The following ANTXRL variants were observed in gnomAD, a reference collection of about 807,000 sequenced individuals.
ANTXRL encodes the protein ANTXR like, also known as anthrax toxin receptor-like.
A neutral mutation model predicts 75.4 loss-of-function variants in ANTXRL; 63 were observed. That is an observed-to-expected ratio of 0.84 (90% CI 0.68 to 1.03). The LOEUF (loss-of-function observed/expected upper bound fraction) is 1.03. ANTXRL is among the 50% of genes least tolerant of loss of function. The pLI is 0.00. For missense variants in ANTXRL, 797 were observed against 789.4 expected (o/e 1.01, Z -0.12); for synonymous variants, 335 against 291.3 (o/e 1.15, Z -1.53).
At chr10:46,326,429 C>A (rs1370122349) in intron 16 of ANTXRL, among the ~76,000 whole-genome samples, 3 of 152,080 alleles carry the variant, frequency 2.0e-5, no homozygotes, top group Non-Finnish European at 4.4e-5. Context: ...GAGGAGGGGC[C>A]AACTCCTTCT....
At chr10:46,317,459 G>A (rs1370465478) in intron 16 of ANTXRL, among the ~76,000 whole-genome samples, 8 of 152,130 alleles carry the variant, frequency 5.3e-5, no homozygotes, top group East Asian at 3.9e-4. Context: ...TAATGCAGAC[G>A]GGCCTTAGGA....
intron 16 of ANTXRL, among the ~76,000 whole-genome samples, chr10:46,316,241 A>G (rs1838718159): frequency 6.6e-6 from 1 of 152,092 alleles, no homozygotes; most frequent in African/African-American, 2.4e-5. Context: ...GGCCCTTTAG[A>G]AACTGGATCT....
Position 46,287,491 on chromosome 10 carries a change from C to T in ANTXRL, c.229C>T (p.Leu77Phe), listed in dbSNP as rs1554955560. ...AGHRCQGSFD[L>F]YFILDKSGSV... ...TCACAGATGCCAGGGCTCATTTGACCTCTACTTCATCTTGGACAAGTGAGT... is the reference window on the plus strand; with the variant it reads ...TCACAGATGCCAGGGCTCATTTGACTTCTACTTCATCTTGGACAAGTGAGT... The change falls in exon 1 of 17, where the codon CTC becomes TTC. Residue 77 changes from leucine to phenylalanine, a missense_variant. Transcript: ENST00000620264. 3 of 1,535,640 alleles carry T rather than the reference C, an allele frequency of 2.0e-6. 1 individual carries two copies. The highest frequency in any genetic ancestry group is 2.4e-5 in the South Asian group (2 of 84,026).
chr10:46,309,594 C>A lies in ANTXRL; in HGVS notation c.1134+392C>A, dbSNP rs191383431. Among the ~76,000 whole-genome samples, 599 of 152,316 alleles carry A rather than the reference C, an allele frequency of 3.9e-3. 6 individuals carry two copies. The highest frequency in any genetic ancestry group is 0.013 in the African/African-American group (523 of 41,536). On this transcript the variant is annotated intron_variant, in intron 13 of 16. Coordinates refer to ENST00000620264, the MANE Select transcript of ANTXRL (RefSeq NM_001278688.3). ...GTGTGGAGGGAGGAAGAGAGGGGCC[C>A]CCATGAGGCCCTGCTGGCCCAAATG...
At chr10:46,296,891 T>G (rs1837412106) in intron 5 of ANTXRL, among the ~76,000 whole-genome samples, 1 of 152,154 alleles carries the variant, frequency 6.6e-6, no homozygotes, top group African/African-American at 2.4e-5. Context: ...CAGCAGCTCC[T>G]CCCTCTGCCC....
intron 16 of ANTXRL, among the ~76,000 whole-genome samples, chr10:46,319,993 G>A (rs1188954546): frequency 6.6e-6 from 1 of 152,152 alleles, no homozygotes; most frequent in African/African-American, 2.4e-5. Flanking sequence ...GCTGCATGAT[G>A]TTCCATGTGA....
upstream of ANTXRL, among the ~76,000 whole-genome samples, chr10:46,286,711 A>G (rs1836780393): frequency 6.6e-6 from 1 of 152,120 alleles, no homozygotes; most frequent in Admixed American, 6.5e-5. Flanking sequence ...GGGGGACTTC[A>G]GTGTCACACA....
chr10:46,298,475 A>G (rs1314163606), intron 9 of ANTXRL, among the ~76,000 whole-genome samples: 1 of 150,546 alleles, frequency 6.6e-6, no homozygotes, highest in Admixed American at 6.6e-5. Flanking sequence ...GGTGCTGTGT[A>G]ATATGCATGT....
chr10:46,329,915 G>C lies in ANTXRL; in HGVS notation c.1727G>C (p.Cys576Ser), dbSNP rs115904371. ...CAGACTCTGTGCAACCCAAAGAGCT[G>C]CCTTCAACCCAGCCGGGAGTGCCTC... ...QAQTLCNPKS[C>S]LQPSRECLPL... Residue 576 changes from cysteine (C) to serine (S), a missense_variant, in exon 17 of 17, where the codon TGC becomes TCC. By Grantham distance (112) the Cys-to-Ser change is moderately radical. Transcript: ENST00000620264. 3,295 of 1,535,874 alleles carry C rather than the reference G, an allele frequency of 2.1e-3. 60 individuals carry two copies. The African/African-American group carries it at 0.033, about 15-fold the overall frequency.
In ANTXRL at chr10:46,287,008, A is replaced by G; in HGVS notation, c.-255A>G. 1.8e-6 allele frequency: 1 copy of G among 551,536 alleles called. No homozygotes were observed. The highest frequency in any genetic ancestry group is 2.3e-5 in the South Asian group (1 of 43,752). The allele number at this position is 551,536 out of a possible 1,614,324, so 34.2% of individuals were successfully genotyped here. On this transcript the variant is annotated 5_prime_UTR_variant, in exon 1 of 17. Transcript: ENST00000620264. The stretch of plus-strand genomic sequence containing the variant: ...ACCTTCCTGTCAACCATAACAGAGA[A>G]TTCTGTCCCCAGGGTGGGGGAAGGG...
chr10:46,326,431 A>T (rs4075797), intron 16 of ANTXRL, among the ~76,000 whole-genome samples: 4 of 151,792 alleles, frequency 2.6e-5, no homozygotes, highest in Non-Finnish European at 5.9e-5. Context: ...GGAGGGGCCA[A>T]CTCCTTCTGG....
At chr10:46,317,951 C>T (rs868939932) in intron 16 of ANTXRL, among the ~76,000 whole-genome samples, 1 of 152,134 alleles carries the variant, frequency 6.6e-6, no homozygotes, top group African/African-American at 2.4e-5. Flanking sequence ...GGAACCTCCT[C>T]ACCACCTTAC....
chr10:46,325,264 T>C (rs1324981477), intron 16 of ANTXRL, among the ~76,000 whole-genome samples: 1 of 152,134 alleles, frequency 6.6e-6, no homozygotes, highest in Non-Finnish European at 1.5e-5. Flanking sequence ...GGTGGTAGAC[T>C]GAGACAAAAG....
chr10:46,287,120 T>G lies in ANTXRL; in HGVS notation c.-143T>G. 4.7e-6 allele frequency: 5 copies of G among 1,072,262 alleles called. No individual in the cohort carries two copies. Among genetic ancestry groups the G allele is most frequent in the Non-Finnish European group, 5.2e-6 (4 of 767,514 alleles). The allele number at this position is 1,072,262 out of a possible 1,614,324, so 66.4% of individuals were successfully genotyped here. On this transcript the variant is annotated 5_prime_UTR_variant, in exon 1 of 17. Coordinates refer to ENST00000620264, the MANE Select transcript of ANTXRL (RefSeq NM_001278688.3). Reference sequence around the variant, plus strand: ...TGGGGAGGTACCTGGTGGAGGGCCATAGTGTGCACTGGTGAAAGGGCAGGA... The same window carrying G: ...TGGGGAGGTACCTGGTGGAGGGCCAGAGTGTGCACTGGTGAAAGGGCAGGA...
chr10:46,317,519 G>A (rs539220731), intron 16 of ANTXRL, among the ~76,000 whole-genome samples: 150 of 152,304 alleles, frequency 9.8e-4, no homozygotes, highest in African/African-American at 3.5e-3. Flanking sequence ...CCATATGCCC[G>A]TGGAGGGCAC....
At chr10:46,309,009 G>A (rs567097016) in intron 12 of ANTXRL, 104 bp from the exon 13 acceptor site, 14 of 1,484,302 alleles carry the variant, frequency 9.4e-6, no homozygotes, top group South Asian at 5.0e-5. Context: ...ACCCGGATGC[G>A]GGGCCAGCTA....
rs189302396 is a variant in ANTXRL at position 46,317,277 on chromosome 10, A to C, written c.1410+3961A>C. ...GTTTTCTTGTACACTGTTTCACTGG[A>C]AGTCATGATTTCCAAGAAACTATCA... On this transcript the variant is annotated intron_variant, in intron 16 of 16. Coordinates refer to ENST00000620264, the MANE Select transcript of ANTXRL (RefSeq NM_001278688.3). Among the ~76,000 whole-genome samples the C allele has an allele frequency of 5.1e-4, 77 of 152,276 alleles. No individual in the cohort carries two copies. The East Asian group carries it at 0.014, about 27-fold the overall frequency.
intron 14 of ANTXRL, 150 bp from the exon 15 acceptor site, chr10:46,311,360 A>G: frequency 1.8e-6 from 2 of 1,139,220 alleles, no homozygotes; most frequent in Non-Finnish European, 1.2e-6. Context: ...TCTGCCAACT[A>G]GGAGGAGTTT....
chr10:46,323,048 C>A (rs1839053463), intron 16 of ANTXRL, among the ~76,000 whole-genome samples: 1 of 152,072 alleles, frequency 6.6e-6, no homozygotes, highest in Non-Finnish European at 1.5e-5. Context: ...AAGTAAGAAA[C>A]CCTTTGTTGT....
Sources: allele counts gnomAD v4.1 joint callset (sites outside exome capture counted in the v4.1 genomes callset), GRCh38; gene constraint gnomAD v4.1.1; transcripts MANE v1.5; gene names NCBI Gene and HGNC (gene_info 2026-07-23, HGNC 2026-07-21).